ROR1: variants seen among roughly 807,000 people sequenced by gnomAD.
The protein encoded by ROR1 is inactive tyrosine-protein kinase transmembrane receptor ROR1.
In ROR1, 19 loss-of-function variants were observed where a neutral mutation model predicts 78.8. The observed-to-expected ratio is 0.24, with a 90% confidence interval of 0.17 to 0.35. ROR1 has a LOEUF of 0.35. Ranked by LOEUF, ROR1 falls within the 10% of genes least tolerant of loss-of-function variation. The pLI is 1.00. For synonymous variants in ROR1, 386 were observed against 433.6 expected (o/e 0.89, Z 1.36); for missense variants, 917 against 1,177.8 (o/e 0.78, Z 3.24).
intron 8 of ROR1, among the ~76,000 whole-genome samples, chr1:64,168,769 G>T (rs1402500918): frequency 6.6e-6 from 1 of 152,152 alleles, no homozygotes. Flanking sequence ...TTTTCTCTCA[G>T]TTGGATAAGT....
intron 1 of ROR1, among the ~76,000 whole-genome samples, chr1:63,888,099 T>C (rs1415370928): frequency 6.6e-6 from 1 of 152,186 alleles, no homozygotes; most frequent in Non-Finnish European, 1.5e-5. Context: ...TGAACTGAAG[T>C]AGCAGCTAAG....
At chr1:63,843,323 G>C in intron 1 of ROR1, 1 of 1,158,514 alleles carries the variant, frequency 8.6e-7, no homozygotes, top group Non-Finnish European at 1.3e-6. Flanking sequence ...TCTTGACGGC[G>C]TCCTTGGAGC....
chr1:63,850,707 G>A (rs935752634), intron 1 of ROR1, among the ~76,000 whole-genome samples: 4 of 152,156 alleles, frequency 2.6e-5, no homozygotes, highest in African/African-American at 9.6e-5. Flanking sequence ...TTGAGTTTCT[G>A]CTTGGGTAGA....
chr1:64,059,434 G>T (rs967186285), intron 4 of ROR1, among the ~76,000 whole-genome samples: 1 of 152,166 alleles, frequency 6.6e-6, no homozygotes, highest in African/African-American at 2.4e-5. Context: ...GTCTCAGCCA[G>T]GTGCGGTGGC....
chr1:64,124,972 A>G (rs896942550), intron 4 of ROR1, among the ~76,000 whole-genome samples: 1 of 152,242 alleles, frequency 6.6e-6, no homozygotes, highest in Non-Finnish European at 1.5e-5. Context: ...ACAGAATGTG[A>G]GCACAATAGA....
chr1:63,852,964 CTAT>C (rs1209056322), intron 1 of ROR1, among the ~76,000 whole-genome samples: 1 of 152,094 alleles, frequency 6.6e-6, no homozygotes, highest in Non-Finnish European at 1.5e-5. Context: ...GGAAGAGTAA[CTAT>C]TATTATTATA....
At chr1:64,153,102 A>G (rs1461657150) in intron 7 of ROR1, among the ~76,000 whole-genome samples, 1 of 152,224 alleles carries the variant, frequency 6.6e-6, no homozygotes, top group Non-Finnish European at 1.5e-5. Flanking sequence ...CCGATTAAAA[A>G]GTGGGCAAAG....
chr1:63,917,719 A>G (rs1645619743), intron 1 of ROR1, among the ~76,000 whole-genome samples: 1 of 152,214 alleles, frequency 6.6e-6, no homozygotes, highest in Non-Finnish European at 1.5e-5. Context: ...GCTGCAGACC[A>G]CGTGGGGAGA....
In ROR1 at chr1:63,811,660, C is replaced by T. The variant is rs150469662; in HGVS notation, c.91+37152C>T. 8.4e-3 allele frequency among the ~76,000 whole-genome samples: 1,277 copies of T among 152,262 alleles called. 15 individuals carry two copies. Among genetic ancestry groups the T allele is most frequent in the African/African-American group, 0.028 (1,157 of 41,544 alleles). On this transcript the variant is annotated intron_variant, in intron 1 of 8. Coordinates refer to ENST00000371079, the MANE Select transcript of ROR1 (RefSeq NM_005012.4). ...TGGTTAGCTGGAAGTAAGTAAGGTT[C>T]TGCTAGTTCCCTGGTGAACATAGAA... is the stretch of plus-strand genomic sequence containing the variant.
intron 1 of ROR1, among the ~76,000 whole-genome samples, chr1:63,929,066 A>G (rs1451323412): frequency 6.6e-6 from 1 of 152,238 alleles, no homozygotes; most frequent in African/African-American, 2.4e-5. Context: ...ACAAATAGGC[A>G]GATTGACACT....
intron 1 of ROR1, among the ~76,000 whole-genome samples, chr1:63,968,636 C>T (rs1397700003): frequency 6.6e-6 from 1 of 152,316 alleles, no homozygotes; most frequent in Non-Finnish European, 1.5e-5. Context: ...ATGGATCAAA[C>T]TATTCTGCCC....
intron 1 of ROR1, among the ~76,000 whole-genome samples, chr1:63,952,358 T>C (rs61765144): frequency 0.09 from 13,709 of 152,096 alleles, 770 homozygotes; most frequent in African/African-American, 0.16. Flanking sequence ...GGTAAGGAAT[T>C]TGGATTTCAT....
chr1:63,830,124 G>A (rs1569782594), intron 1 of ROR1, among the ~76,000 whole-genome samples: 1 of 152,146 alleles, frequency 6.6e-6, no homozygotes, highest in South Asian at 2.1e-4. Context: ...TAACTTTTAC[G>A]CCACTGTGGG....
intron 1 of ROR1, among the ~76,000 whole-genome samples, chr1:63,901,417 A>G (rs1645484565): frequency 6.6e-6 from 1 of 152,086 alleles, no homozygotes; most frequent in African/African-American, 2.4e-5. Context: ...TCAAGATTCC[A>G]TGTCTGTAGC....
intron 1 of ROR1, among the ~76,000 whole-genome samples, chr1:63,919,351 T>C (rs1454225948): frequency 3.3e-5 from 5 of 152,116 alleles, no homozygotes; most frequent in Admixed American, 2.6e-4. Context: ...ACCGAGAGGT[T>C]TTTCTTTTAA....
At chr1:63,948,207 T>C (rs991796646) in intron 1 of ROR1, among the ~76,000 whole-genome samples, 9 of 152,112 alleles carry the variant, frequency 5.9e-5, no homozygotes, top group Admixed American at 1.3e-4. Flanking sequence ...TGAAAAGAAA[T>C]TATCTTATCC....
intron 4 of ROR1, chr1:64,106,006 G>C (rs557535526): frequency 3.3e-5 from 5 of 152,196 alleles, no homozygotes; most frequent in Admixed American, 2.0e-4. Flanking sequence ...AACGTCAATG[G>C]TAGCTTGATG....
intron 4 of ROR1, among the ~76,000 whole-genome samples, chr1:64,098,522 T>C (rs1369223262): frequency 2.0e-5 from 3 of 152,168 alleles, no homozygotes; most frequent in African/African-American, 2.4e-5. Flanking sequence ...AAGCACAAAC[T>C]AGGGCTCCAG....
intron 1 of ROR1, among the ~76,000 whole-genome samples, chr1:63,854,210 T>C (rs1252301596): frequency 1.3e-5 from 2 of 152,204 alleles, no homozygotes; most frequent in African/African-American, 2.4e-5. Flanking sequence ...TATAAAAATA[T>C]GTGACGTATT....
Sources: gnomAD v4.1 joint callset for allele counts (sites outside exome capture counted in the v4.1 genomes callset) on GRCh38, gnomAD v4.1.1 for gene constraint, MANE v1.5 for transcripts, NCBI Gene and HGNC (gene_info 2026-07-23, HGNC 2026-07-21) for gene names.